SPOCK1: variants seen among roughly 807,000 people sequenced by gnomAD.
SPOCK1 encodes testican-1.
In SPOCK1, 23 loss-of-function variants were observed where a neutral mutation model predicts 55.3. The observed-to-expected ratio is 0.42, with a 90% CI of 0.30 to 0.59. SPOCK1 has a LOEUF of 0.59. Among genes scored for constraint, SPOCK1 ranks in the 20% least tolerant of loss-of-function variants. The probability of loss-of-function intolerance (pLI) is 0.22; values close to 1 mark genes in which losing one functional copy is unlikely to be tolerated. For synonymous variants in SPOCK1, 226 were observed against 221.0 expected (o/e 1.02, Z -0.20); for missense variants, 499 against 552.5 (o/e 0.90, Z 0.97).
chr5:137,278,143 G>T (rs1221992646), intron 2 of SPOCK1, among the ~76,000 whole-genome samples: 1 of 152,136 alleles, frequency 6.6e-6, no homozygotes, highest in Non-Finnish European at 1.5e-5. Context: ...CTCTTCCAAG[G>T]AACATCTGGG....
rs1178485845 is a variant in SPOCK1, at chr5:137,191,374, T to TTTG, written c.233-50681_233-50680insCAA. Among the ~76,000 whole-genome samples the TTTG allele has an allele frequency of 2.8e-3, 431 of 152,316 alleles. 2 individuals carry two copies. Among genetic ancestry groups the TTTG allele is most frequent in the African/African-American group, 9.4e-3 (392 of 41,564 alleles). On this transcript the variant is annotated intron_variant, in intron 3 of 10. Coordinates refer to ENST00000394945, the MANE Select transcript of SPOCK1 (RefSeq NM_004598.4). ...AATCTTTGCTAAGCAAACCACAGGA[T>TTTG]CTCATACCACTGGTTTCCAGAGAAG... is the stretch of plus-strand genomic sequence containing the variant.
intron 2 of SPOCK1, among the ~76,000 whole-genome samples, chr5:137,289,809 T>A (rs189029278): frequency 1.2e-4 from 18 of 152,268 alleles, no homozygotes; most frequent in African/African-American, 3.6e-4. Flanking sequence ...ATAGAACTTA[T>A]ACCAATCAAT....
intron 2 of SPOCK1, among the ~76,000 whole-genome samples, chr5:137,450,032 T>C (rs1452951205): frequency 1.3e-5 from 2 of 150,866 alleles, no homozygotes; most frequent in African/African-American, 2.4e-5. Flanking sequence ...TATAGAAGAG[T>C]GTGTCCAAAC....
At chr5:137,277,354 T>C (rs993473151) in intron 2 of SPOCK1, among the ~76,000 whole-genome samples, 5 of 152,172 alleles carry the variant, frequency 3.3e-5, no homozygotes, top group African/African-American at 1.2e-4. Flanking sequence ...GTTGTGGAAA[T>C]TGAAGCTTAG....
chr5:137,455,105 G>A (rs1753335173), intron 2 of SPOCK1, among the ~76,000 whole-genome samples: 1 of 152,196 alleles, frequency 6.6e-6, no homozygotes, highest in African/African-American at 2.4e-5. Context: ...AGGAACTGTG[G>A]AGAAATGGTG....
chr5:137,426,143 G>A (rs980921097), intron 2 of SPOCK1, among the ~76,000 whole-genome samples: 1 of 152,198 alleles, frequency 6.6e-6, no homozygotes, highest in African/African-American at 2.4e-5. Flanking sequence ...GACATGACAA[G>A]AGTACCTGGC....
intron 3 of SPOCK1, among the ~76,000 whole-genome samples, chr5:137,225,206 G>C (rs536620564): frequency 3.2e-4 from 48 of 152,142 alleles, no homozygotes; most frequent in African/African-American, 1.2e-3. Context: ...CAGTGGCCAA[G>C]TGCAGAACTG....
intron 4 of SPOCK1, among the ~76,000 whole-genome samples, chr5:137,135,613 C>G (rs28436799): frequency 0.019 from 2,910 of 152,232 alleles, 95 homozygotes; most frequent in African/African-American, 0.066. Flanking sequence ...ACTTTATGAT[C>G]GAGGCTTACA....
chr5:137,229,040 A>G (rs1345293786), intron 3 of SPOCK1, among the ~76,000 whole-genome samples: 1 of 151,966 alleles, frequency 6.6e-6, no homozygotes, highest in Non-Finnish European at 1.5e-5. Context: ...GGCCTTCTTA[A>G]ATTCTGATTA....
chr5:137,436,180 T>C (rs1177113137), intron 2 of SPOCK1, among the ~76,000 whole-genome samples: 2 of 152,172 alleles, frequency 1.3e-5, no homozygotes, highest in African/African-American at 4.8e-5. Flanking sequence ...ATATATTAAT[T>C]CTGTATGGAG....
chr5:137,361,443 G>A (rs1278362084), intron 2 of SPOCK1, among the ~76,000 whole-genome samples: 3 of 152,312 alleles, frequency 2.0e-5, no homozygotes, highest in South Asian at 4.1e-4. Context: ...TATCTGTTGA[G>A]TGAGTGGATG....
intron 2 of SPOCK1, among the ~76,000 whole-genome samples, chr5:137,333,457 C>G (rs1012681557): frequency 3.9e-5 from 6 of 152,208 alleles, no homozygotes; most frequent in African/African-American, 1.2e-4. Context: ...TTGAGACCCC[C>G]ATGTTGGCCA....
chr5:137,340,555 G>A (rs555860730), intron 2 of SPOCK1, among the ~76,000 whole-genome samples: 1 of 152,308 alleles, frequency 6.6e-6, no homozygotes, highest in East Asian at 1.9e-4. Flanking sequence ...AGGAAGTCAG[G>A]GATGCAGTAG....
At chr5:137,073,498 G>A (rs1752656850) in intron 5 of SPOCK1, among the ~76,000 whole-genome samples, 1 of 152,168 alleles carries the variant, frequency 6.6e-6, no homozygotes, top group African/African-American at 2.4e-5. Flanking sequence ...AGAGCGGGAA[G>A]GACCATCTTA....
chr5:137,323,015 C>T (rs979514018), intron 2 of SPOCK1, among the ~76,000 whole-genome samples: 1 of 152,052 alleles, frequency 6.6e-6, no homozygotes, highest in Admixed American at 6.5e-5. Flanking sequence ...ATAACAAACC[C>T]ACTCGTGCAA....
At chr5:137,133,361 C>A (rs1382277940) in intron 4 of SPOCK1, among the ~76,000 whole-genome samples, 1 of 144,790 alleles carries the variant, frequency 6.9e-6, no homozygotes, top group Non-Finnish European at 1.5e-5. Context: ...CAGAGTGAGA[C>A]TCCATCTCAA....
At chr5:137,356,838 T>TATATGGAGAG (rs1554077335) in intron 2 of SPOCK1, among the ~76,000 whole-genome samples, 1 of 5,454 alleles carries the variant, frequency 1.8e-4, no homozygotes, top group South Asian at 8.5e-3. Context: ...TATATATATA[T>TATATGGAGAG]AGAGAGAGAG....
intron 2 of SPOCK1, among the ~76,000 whole-genome samples, chr5:137,438,881 T>C (rs915779543): frequency 2.0e-5 from 3 of 152,142 alleles, no homozygotes; most frequent in Non-Finnish European, 2.9e-5. Context: ...GCTGTAAAAG[T>C]CCATGATAAA....
intron 7 of SPOCK1, 42 bp from the exon 8 acceptor site, chr5:136,988,685 T>G (rs765627186): frequency 6.4e-7 from 1 of 1,569,858 alleles, no homozygotes; most frequent in East Asian, 2.3e-5. Context: ...CCAAGCCTGA[T>G]GCTTTCCTCC....
Sources: allele counts gnomAD v4.1 joint callset (sites outside exome capture counted in the v4.1 genomes callset), GRCh38; gene constraint gnomAD v4.1.1; transcripts MANE v1.5; gene names NCBI Gene and HGNC (gene_info 2026-07-23, HGNC 2026-07-21).